RAI14: variants seen among roughly 807,000 people sequenced by gnomAD.
RAI14 encodes the protein ankycorbin.
RAI14 carries 45 observed loss-of-function variants against 115.4 expected under a neutral mutation model. The observed-to-expected ratio is 0.39, with a 90% CI of 0.31 to 0.50. The LOEUF (loss-of-function observed/expected upper bound fraction) is 0.50, where lower values mean the gene tolerates loss of function less well. RAI14 is among the 20% of genes least tolerant of loss of function. The probability of loss-of-function intolerance (pLI) is 0.85; values close to 1 mark genes in which losing one functional copy is unlikely to be tolerated. For missense variants in RAI14, 939 were observed against 1,131.2 expected, an observed-to-expected ratio of 0.83 and a Z score of 2.44; for synonymous variants, 371 against 415.4, an observed-to-expected ratio of 0.89 and a Z score of 1.30.
intron 2 of RAI14, among the ~76,000 whole-genome samples, chr5:34,720,894 T>C (rs1742626988): frequency 6.6e-6 from 1 of 152,064 alleles, no homozygotes; most frequent in South Asian, 2.1e-4. Context: ...TCTCACTATG[T>C]TGCCCAGGCT....
chr5:34,733,685 T>C (rs1744477679), intron 2 of RAI14, among the ~76,000 whole-genome samples: 1 of 152,200 alleles, frequency 6.6e-6, no homozygotes, highest in Non-Finnish European at 1.5e-5. Flanking sequence ...TCATCTGGGA[T>C]CAACCTGTCT....
chr5:34,719,711 G>A (rs1022743468), intron 2 of RAI14, among the ~76,000 whole-genome samples: 1 of 152,144 alleles, frequency 6.6e-6, no homozygotes, highest in African/African-American at 2.4e-5. Context: ...CTGGAGCCTG[G>A]GTTTTCATCT....
chr5:34,665,151 ATGTG>A (rs369849287), intron 1 of RAI14, among the ~76,000 whole-genome samples: 1 of 54,290 alleles, frequency 1.8e-5, no homozygotes, highest in South Asian at 8.2e-4. Flanking sequence ...ACACATATAT[ATGTG>A]TGTGTATATA....
intron 2 of RAI14, among the ~76,000 whole-genome samples, chr5:34,687,224 A>G (rs1737951918): frequency 6.6e-6 from 1 of 152,222 alleles, no homozygotes; most frequent in African/African-American, 2.4e-5. Flanking sequence ...CACATTAAAC[A>G]TCTTCAAAGG....
chr5:34,772,714 G>T (rs962238290), intron 3 of RAI14, among the ~76,000 whole-genome samples: 2 of 152,264 alleles, frequency 1.3e-5, no homozygotes, highest in Admixed American at 6.5e-5. Flanking sequence ...GCTCCCTATT[G>T]TGCCTCCGTT....
rs536550203 is a variant in RAI14, at chr5:34,723,499, A to G, written c.37-33969A>G. ...TATGGAAGGTGCTCCTCTTTACTCAAAGTTTACCGATTTAAGTGTTAATCA... is the reference window on the plus strand; with the variant it reads ...TATGGAAGGTGCTCCTCTTTACTCAGAGTTTACCGATTTAAGTGTTAATCA... On this transcript the variant is annotated intron_variant, in intron 2 of 17. Transcript: ENST00000265109. Among the ~76,000 whole-genome samples the G allele has an allele frequency of 1.4e-3, 211 of 152,262 alleles. 2 individuals carry two copies. Among genetic ancestry groups the G allele is most frequent in the South Asian group, 0.013 (64 of 4,816 alleles).
intron 2 of RAI14, among the ~76,000 whole-genome samples, chr5:34,726,123 C>T (rs2150009066): frequency 6.6e-6 from 1 of 152,140 alleles, no homozygotes; most frequent in Middle Eastern, 3.4e-3. Context: ...TGCGTATAAT[C>T]CCAGTGCTTT....
chr5:34,772,820 G>C (rs575875993), intron 3 of RAI14, among the ~76,000 whole-genome samples: 1 of 152,284 alleles, frequency 6.6e-6, no homozygotes, highest in Admixed American at 6.5e-5. Flanking sequence ...AAAAGAAAAT[G>C]AGAGCGAGAG....
chr5:34,773,721 G>T (rs1263364151), intron 3 of RAI14, among the ~76,000 whole-genome samples: 3 of 152,260 alleles, frequency 2.0e-5, no homozygotes, highest in African/African-American at 7.2e-5. Flanking sequence ...TCCTACCCCA[G>T]TTAGAATGAC....
At chr5:34,748,429 T>G (rs555949283) in intron 2 of RAI14, among the ~76,000 whole-genome samples, 2 of 152,362 alleles carry the variant, frequency 1.3e-5, no homozygotes, top group African/African-American at 4.8e-5. Context: ...ACTTGTTGTT[T>G]ATGCTCTCTA....
chr5:34,707,486 G>T (rs1266432350), intron 2 of RAI14, among the ~76,000 whole-genome samples: 2 of 152,076 alleles, frequency 1.3e-5, no homozygotes, highest in Non-Finnish European at 2.9e-5. Flanking sequence ...GCTCTCAAAA[G>T]TCTCATTAAG....
intron 3 of RAI14, among the ~76,000 whole-genome samples, chr5:34,760,703 A>G (rs1012088595): frequency 6.6e-6 from 1 of 152,244 alleles, no homozygotes; most frequent in Non-Finnish European, 1.5e-5. Flanking sequence ...TAAGATATTT[A>G]TTACATGTGT....
At chr5:34,826,054 T>C (rs996426101) in intron 15 of RAI14, 8 of 216,896 alleles carry the variant, frequency 3.7e-5, no homozygotes, top group Admixed American at 2.9e-4. Flanking sequence ...GAAACCAACA[T>C]CACAGCTTTT....
rs144355901 is a variant in RAI14 at position 34,727,859 on chromosome 5, G to A, written c.37-29609G>A. Among the ~76,000 whole-genome samples, 378 of 152,306 alleles carry A rather than the reference G, an allele frequency of 2.5e-3. 1 individual carries two copies. The highest frequency in any genetic ancestry group is 8.6e-3 in the African/African-American group (356 of 41,566). On this transcript the variant is annotated intron_variant, in intron 2 of 17. Transcript: ENST00000265109. ...GGAGAACCTCTGCTAGGGCACTGTG[G>A]AAGATAAATGTGGAGTGCGAACCCC...
chr5:34,698,842 GGGGCCAGGACTA>G (rs769978273), intron 2 of RAI14, among the ~76,000 whole-genome samples: 58 of 152,272 alleles, frequency 3.8e-4, no homozygotes, highest in Non-Finnish European at 2.1e-4. Context: ...ACCAGAAAAG[GGGGCCAGGACTA>G]GGGCCAGGGC....
chr5:34,720,211 AAG>A, intron 2 of RAI14, among the ~76,000 whole-genome samples: 1 of 152,258 alleles, frequency 6.6e-6, no homozygotes, highest in Middle Eastern at 3.4e-3. Flanking sequence ...TTAAACCAAA[AAG>A]AAGTTTCGCA....
intron 3 of RAI14, among the ~76,000 whole-genome samples, chr5:34,765,800 C>G (rs1411221792): frequency 6.6e-6 from 1 of 152,172 alleles, no homozygotes; most frequent in Non-Finnish European, 1.5e-5. Flanking sequence ...TGCCAGAGAC[C>G]TTCACGGCAG....
intron 3 of RAI14, among the ~76,000 whole-genome samples, chr5:34,779,742 G>T (rs186293160): frequency 6.6e-6 from 1 of 152,062 alleles, no homozygotes; most frequent in African/African-American, 2.4e-5. Flanking sequence ...ATGGAAGAAC[G>T]TTCCATGCTG....
chr5:34,823,614 A>G lies in RAI14; in HGVS notation c.1772A>G (p.Asn591Ser), dbSNP rs764100465. The G allele has an allele frequency of 3.7e-6, 6 of 1,614,144 alleles. No individual in the cohort carries two copies. The South Asian group carries it at 6.6e-5, about 18-fold the overall frequency. ...TATTGCTCTGTTATTGAGAATATGA[A>G]TAAGGAGAAAGCATTTTTGTTTGAG... ...SSYCSVIENM[N>S]KEKAFLFEKY... Residue 591 changes from asparagine (N) to serine (S), a missense_variant, in exon 15 of 18, where the codon AAT (asparagine) becomes AGT (serine). Transcript: ENST00000265109. This position sits in a 1 kb window ranked among gnomAD's most constrained non-coding sequence, Gnocchi z 4.5.
Sources: gnomAD v4.1 joint callset for allele counts (sites outside exome capture counted in the v4.1 genomes callset) on GRCh38, gnomAD v4.1.1 for gene constraint, Gnocchi (gnomAD v3.1) non-coding constraint, MANE v1.5 for transcripts, NCBI Gene and HGNC (gene_info 2026-07-23, HGNC 2026-07-21) for gene names.